Variants in CALCRL observed in about 807,000 individuals in gnomAD.
The protein encoded by CALCRL is calcitonin gene-related peptide type 1 receptor.
CALCRL carries 27 observed loss-of-function variants against 60.4 expected under a neutral mutation model. The ratio of observed to expected loss-of-function variants is 0.45; its 90% confidence interval spans 0.33 to 0.62. The LOEUF (loss-of-function observed/expected upper bound fraction) is 0.62, where lower values mean the gene tolerates loss of function less well. Ranked by LOEUF, CALCRL falls within the 20% of genes least tolerant of loss-of-function variation. The pLI is 0.03. For synonymous variants in CALCRL, 190 were observed against 182.6 expected (o/e 1.04, Z -0.33); for missense variants, 424 against 540.7 (o/e 0.78, Z 2.14).
chr2:187,346,735 T>C (rs1230487322), intron 14 of CALCRL, among the ~76,000 whole-genome samples: 1 of 151,812 alleles, frequency 6.6e-6, no homozygotes, highest in Non-Finnish European at 1.5e-5. Context: ...ATGTGCAACA[T>C]TGAGTTTTAT....
intron 8 of CALCRL, among the ~76,000 whole-genome samples, chr2:187,366,341 A>G (rs1351899942): frequency 6.6e-6 from 1 of 151,818 alleles, no homozygotes; most frequent in African/African-American, 2.4e-5. Flanking sequence ...TTAAATAGCT[A>G]GAAGGATTAT....
chr2:187,350,030 A>G (rs1227632146), intron 14 of CALCRL, among the ~76,000 whole-genome samples: 1 of 151,704 alleles, frequency 6.6e-6, no homozygotes, highest in East Asian at 1.9e-4. Flanking sequence ...TTTAAGAAAG[A>G]TAGACACAGG....
At chr2:187,406,530 TA>T (rs1223759897) in intron 1 of CALCRL, among the ~76,000 whole-genome samples, 2 of 151,902 alleles carry the variant, frequency 1.3e-5, no homozygotes, top group Non-Finnish European at 2.9e-5. Context: ...ATAAAGAAAA[TA>T]AAAGAAAAGG....
In CALCRL at chr2:187,352,100, C is replaced by G. The variant is rs1461842248; in HGVS notation, c.1128+14G>C. On this transcript the variant is annotated intron_variant, in intron 13 of 14. Coordinates refer to ENST00000392370, the MANE Select transcript of CALCRL (RefSeq NM_005795.6). Reference sequence around the variant, plus strand: ...CAAACTTCTCAAGCTGCCTTCTTATCAAGAATGCCATACCTGGAAGTGCAT... The same window carrying G: ...CAAACTTCTCAAGCTGCCTTCTTATGAAGAATGCCATACCTGGAAGTGCAT... 6.2e-7 allele frequency: 1 copy of G among 1,606,842 alleles called. No individual in the cohort carries two copies. Among genetic ancestry groups the G allele is most frequent in the South Asian group, 1.1e-5 (1 of 90,908 alleles).
At chr2:187,376,918 G>A (rs931010066) in intron 8 of CALCRL, among the ~76,000 whole-genome samples, 4 of 152,092 alleles carry the variant, frequency 2.6e-5, no homozygotes, top group Non-Finnish European at 5.9e-5. Context: ...TTAATTTGCA[G>A]AGATAGTGGT....
chr2:187,354,965 C>T (rs1686706387), intron 12 of CALCRL, among the ~76,000 whole-genome samples: 2 of 151,942 alleles, frequency 1.3e-5, no homozygotes, highest in South Asian at 4.1e-4. Flanking sequence ...CTGGGTAGCC[C>T]AAACGATATA....
chr2:187,349,371 A>ACGTCTTGCTATT (rs1686424744), intron 14 of CALCRL, among the ~76,000 whole-genome samples: 1 of 151,688 alleles, frequency 6.6e-6, no homozygotes, highest in Non-Finnish European at 1.5e-5. Flanking sequence ...TATTAAGCTA[A>ACGTCTTGCTATT]AGGCAGGCAT....
At chr2:187,389,047 C>T (rs1302748761) in intron 1 of CALCRL, among the ~76,000 whole-genome samples, 1 of 148,366 alleles carries the variant, frequency 6.7e-6, no homozygotes, top group Non-Finnish European at 1.5e-5. Flanking sequence ...ATATATCATA[C>T]TTTTCTCTAT....
intron 1 of CALCRL, among the ~76,000 whole-genome samples, chr2:187,443,450 A>G (rs988682709): frequency 4.0e-5 from 6 of 151,744 alleles, no homozygotes; most frequent in Non-Finnish European, 8.9e-5. Flanking sequence ...AGAAAGGGGA[A>G]CTAATAAGTG....
intron 4 of CALCRL, among the ~76,000 whole-genome samples, chr2:187,383,570 A>G (rs560346866): frequency 1.3e-5 from 2 of 152,310 alleles, no homozygotes; most frequent in South Asian, 4.1e-4. Flanking sequence ...AGCCTGTGGT[A>G]GCCAGCTCCA....
chr2:187,439,814 T>C (rs1316609932), intron 1 of CALCRL, among the ~76,000 whole-genome samples: 1 of 152,056 alleles, frequency 6.6e-6, no homozygotes, highest in African/African-American at 2.4e-5. Context: ...TTTCTTTAAA[T>C]TGGTGGCAAA....
intron 8 of CALCRL, among the ~76,000 whole-genome samples, chr2:187,376,424 C>G (rs1367164757): frequency 1.3e-5 from 2 of 151,996 alleles, no homozygotes. Flanking sequence ...TCTTCAATTT[C>G]TTCACTTGAT....
chr2:187,434,622 C>T (rs1327651085), intron 1 of CALCRL, among the ~76,000 whole-genome samples: 1 of 152,122 alleles, frequency 6.6e-6, no homozygotes, highest in Non-Finnish European at 1.5e-5. Context: ...AAATCATGGA[C>T]ATATGTGTAC....
chr2:187,351,853 A>T, intron 14 of CALCRL, 67 bp downstream of exon 14: 1 of 975,136 alleles, frequency 1.0e-6, no homozygotes, highest in Non-Finnish European at 1.6e-6. Context: ...TATCTCATTT[A>T]AATACATGGA....
chr2:187,389,719 G>A (rs1450103350), intron 1 of CALCRL, among the ~76,000 whole-genome samples: 1 of 152,000 alleles, frequency 6.6e-6, no homozygotes, highest in Admixed American at 6.6e-5. Flanking sequence ...GGGACACTGG[G>A]TAATCTAACT....
intron 1 of CALCRL, among the ~76,000 whole-genome samples, chr2:187,402,445 G>A (rs1244004660): frequency 6.6e-6 from 1 of 151,464 alleles, no homozygotes; most frequent in Non-Finnish European, 1.5e-5. Flanking sequence ...GTATGTGAGA[G>A]AGAGAGAGAG....
At chr2:187,415,814 TG>T in intron 1 of CALCRL, 1 of 418,558 alleles carries the variant, frequency 2.4e-6, no homozygotes, top group Non-Finnish European at 4.4e-6. Flanking sequence ...AACAGGGTGG[TG>T]GATCATGGTC....
intron 1 of CALCRL, among the ~76,000 whole-genome samples, chr2:187,392,798 G>C (rs1302102905): frequency 1.3e-5 from 2 of 151,974 alleles, no homozygotes; most frequent in Admixed American, 1.3e-4. Context: ...TGAACTCCTA[G>C]TCTCAAGTAA....
intron 1 of CALCRL, among the ~76,000 whole-genome samples, chr2:187,447,037 TG>T (rs779668919): frequency 2.0e-5 from 3 of 151,918 alleles, no homozygotes; most frequent in Non-Finnish European, 4.4e-5. Context: ...AACAAATTTG[TG>T]ATATATCTAC....
Sources: allele counts gnomAD v4.1 joint callset (sites outside exome capture counted in the v4.1 genomes callset), GRCh38; gene constraint gnomAD v4.1.1; transcripts MANE v1.5; gene names NCBI Gene and HGNC (gene_info 2026-07-23, HGNC 2026-07-21).